TNIK: variants seen among roughly 807,000 people sequenced by gnomAD.
The protein encoded by TNIK is TRAF2 and NCK-interacting protein kinase.
TNIK carries 49 observed loss-of-function variants against 191.3 expected under a neutral mutation model. The observed-to-expected ratio is 0.26, with a 90% CI of 0.20 to 0.32. The LOEUF (loss-of-function observed/expected upper bound fraction) is 0.32. Ranked by LOEUF, TNIK falls within the 10% of genes least tolerant of loss-of-function variation. The pLI, the probability that TNIK is intolerant of heterozygous loss-of-function variation, is 1.00. For missense variants in TNIK, 1,155 were observed against 1,702.3 expected (o/e 0.68, Z 5.66); for synonymous variants, 594 against 600.9 (o/e 0.99, Z 0.17).
At chr3:171,441,257 T>C (rs1008930530) in intron 1 of TNIK, among the ~76,000 whole-genome samples, 1 of 152,138 alleles carries the variant, frequency 6.6e-6, no homozygotes, top group Non-Finnish European at 1.5e-5. Flanking sequence ...CACCATCCAA[T>C]ATTGAAGCAT....
chr3:171,128,784 G>A lies in TNIK; in HGVS notation c.1703C>T (p.Ser568Leu), dbSNP rs1454603765. 15 of 1,611,962 alleles carry A rather than the reference G, an allele frequency of 9.3e-6. No homozygotes were observed. The highest frequency in any genetic ancestry group is 3.3e-5 in the Admixed American group (2 of 59,808). The change falls in exon 16 of 33, where the codon TCG becomes TTG. Residue 568 changes from serine to leucine, a missense_variant. This residue lies in a region of TNIK where 735 missense variants were observed against 848.0 expected (regional missense o/e 0.87). Coordinates refer to ENST00000436636, the MANE Select transcript of TNIK (RefSeq NM_015028.4). The stretch of plus-strand genomic sequence containing the variant: ...AACTCCACTAATGCTGAAGGACTCC[G>A]ACCTTGGGGGCAGGTTGGGGTCAGA... ...RISDPNLPPR[S>L]ESFSISGVQP...
chr3:171,203,518 T>C (rs1363349329), intron 4 of TNIK, among the ~76,000 whole-genome samples: 1 of 152,210 alleles, frequency 6.6e-6, no homozygotes, highest in Non-Finnish European at 1.5e-5. Flanking sequence ...AGGCCCAATA[T>C]TTCTAGATCA....
intron 4 of TNIK, among the ~76,000 whole-genome samples, chr3:171,202,912 C>T (rs535634611): frequency 6.6e-6 from 1 of 152,312 alleles, no homozygotes; most frequent in South Asian, 2.1e-4. Flanking sequence ...GACTAAATAA[C>T]TCCTCCAGAC....
At chr3:171,114,000 A>ATGTT (rs1726291938) in intron 18 of TNIK, among the ~76,000 whole-genome samples, 5 of 7,102 alleles carry the variant, frequency 7.0e-4, no homozygotes, top group Non-Finnish European at 1.4e-3. Context: ...GATTTTGTTA[A>ATGTT]AAAAAAAAAA....
intron 1 of TNIK, among the ~76,000 whole-genome samples, chr3:171,414,549 G>T (rs557650915): frequency 6.6e-6 from 1 of 152,180 alleles, no homozygotes; most frequent in South Asian, 2.1e-4. Flanking sequence ...GCCCCAATCA[G>T]ATAACCAGGG....
chr3:171,121,224 C>G (rs908697603), intron 18 of TNIK, among the ~76,000 whole-genome samples: 2 of 152,082 alleles, frequency 1.3e-5, no homozygotes, highest in African/African-American at 4.8e-5. Flanking sequence ...TTTAAAGTGG[C>G]TTTATGGATG....
chr3:171,210,480 A>C (rs1740664869), intron 4 of TNIK, among the ~76,000 whole-genome samples: 1 of 152,208 alleles, frequency 6.6e-6, no homozygotes, highest in South Asian at 2.1e-4. Context: ...TCAAAGATAA[A>C]GGACTGTGGC....
At chr3:171,174,924 C>T (rs1304566634) in intron 9 of TNIK, among the ~76,000 whole-genome samples, 2 of 152,106 alleles carry the variant, frequency 1.3e-5, no homozygotes, top group Admixed American at 6.5e-5. Context: ...AACTATCACC[C>T]TCTCTGATAA....
At chr3:171,378,985 G>A (rs1717639290) in intron 1 of TNIK, among the ~76,000 whole-genome samples, 1 of 152,292 alleles carries the variant, frequency 6.6e-6, no homozygotes, top group Non-Finnish European at 1.5e-5. Context: ...TGGAAAGGAA[G>A]GAAACAGGGA....
intron 2 of TNIK, among the ~76,000 whole-genome samples, chr3:171,362,165 A>G (rs1350977229): frequency 6.6e-6 from 1 of 152,168 alleles, no homozygotes; most frequent in African/African-American, 2.4e-5. Flanking sequence ...CAGTGCTGCA[A>G]CTGATTCCTG....
At chr3:171,323,755 A>T (rs1755437230) in intron 2 of TNIK, among the ~76,000 whole-genome samples, 1 of 152,170 alleles carries the variant, frequency 6.6e-6, no homozygotes. Flanking sequence ...TCCAAGTGAG[A>T]ATGACAGAAA....
intron 2 of TNIK, among the ~76,000 whole-genome samples, chr3:171,320,730 G>A (rs540640949): frequency 2.0e-5 from 3 of 152,298 alleles, no homozygotes; most frequent in Non-Finnish European, 4.4e-5. Flanking sequence ...CATACTTCAC[G>A]CAGAGTAATG....
chr3:171,250,395 T>TA (rs1746095183), intron 2 of TNIK, among the ~76,000 whole-genome samples: 1 of 152,204 alleles, frequency 6.6e-6, no homozygotes, highest in African/African-American at 2.4e-5. Context: ...ACCTAAGCCC[T>TA]AGTCCCCCAA....
chr3:171,188,695 G>A lies in TNIK; in HGVS notation c.639+7C>T, dbSNP rs1737671627. 6.2e-7 allele frequency: 1 copy of A among 1,613,116 alleles called. No homozygotes were observed. Among genetic ancestry groups the A allele is most frequent in the Non-Finnish European group, 8.5e-7 (1 of 1,179,248 alleles). On this transcript the variant is annotated splice_region_variant and intron_variant, in intron 7 of 32. Coordinates refer to ENST00000436636, the MANE Select transcript of TNIK (RefSeq NM_015028.4). ...CATAGTTTTGAAACACGACAAAGAA[G>A]CCATACCTTGAAATCATATGTGGCA...
At chr3:171,401,758 G>A (rs918024446) in intron 1 of TNIK, among the ~76,000 whole-genome samples, 2 of 152,140 alleles carry the variant, frequency 1.3e-5, no homozygotes, top group African/African-American at 4.8e-5. Flanking sequence ...AGTTTCAGGG[G>A]GATTTGGCAT....
intron 2 of TNIK, among the ~76,000 whole-genome samples, chr3:171,264,097 CACACACACACACACATAT>C (rs1387073156): frequency 6.2e-4 from 50 of 80,176 alleles, no homozygotes; most frequent in African/African-American, 2.7e-3. Context: ...CACACACACA[CACACACACACACACATAT>C]ATATATATAT....
intron 8 of TNIK, among the ~76,000 whole-genome samples, chr3:171,176,601 TG>T (rs1457195639): frequency 6.6e-6 from 1 of 152,170 alleles, no homozygotes; most frequent in Non-Finnish European, 1.5e-5. Flanking sequence ...GGGGATTACT[TG>T]GGTGAAAGTT....
intron 2 of TNIK, among the ~76,000 whole-genome samples, chr3:171,253,282 A>AAG (rs1364154799): frequency 4.5e-5 from 2 of 44,334 alleles, no homozygotes; most frequent in African/African-American, 1.2e-4. Context: ...AGACTGTCTC[A>AAG]AAAAAAAAAA....
intron 1 of TNIK, among the ~76,000 whole-genome samples, chr3:171,443,971 G>A (rs1320847853): frequency 6.6e-6 from 1 of 152,166 alleles, no homozygotes; most frequent in Non-Finnish European, 1.5e-5. Context: ...TTTATATCTA[G>A]TCTGATGATG....
Sources: allele counts gnomAD v4.1 joint callset (sites outside exome capture counted in the v4.1 genomes callset), GRCh38; gene constraint gnomAD v4.1.1; regional missense constraint gnomAD v4.1.1; transcripts MANE v1.5; gene names NCBI Gene and HGNC (gene_info 2026-07-23, HGNC 2026-07-21).